Variants in RPS6KA2 observed in about 807,000 individuals in gnomAD.
RPS6KA2 encodes ribosomal protein S6 kinase alpha-2.
In RPS6KA2, 42 loss-of-function variants were observed where a neutral mutation model predicts 91.8. The observed-to-expected ratio is 0.46, with a 90% CI of 0.36 to 0.59. The LOEUF is 0.59. RPS6KA2 is among the 20% of genes least tolerant of loss of function. The probability of loss-of-function intolerance (pLI) is 0.00; values close to 1 mark genes in which losing one functional copy is unlikely to be tolerated. For synonymous variants in RPS6KA2, 414 were observed against 393.6 expected (o/e 1.05, Z -0.61); for missense variants, 798 against 978.5 (o/e 0.82, Z 2.46).
At chr6:166,619,288 C>T (rs1300765842) in intron 1 of RPS6KA2, among the ~76,000 whole-genome samples, 3 of 152,210 alleles carry the variant, frequency 2.0e-5, no homozygotes, top group Admixed American at 1.3e-4. Flanking sequence ...TCCCGCAGCC[C>T]GTCTGTTCAG....
intron 2 of RPS6KA2, among the ~76,000 whole-genome samples, chr6:166,834,877 C>G (rs1780280447): frequency 6.6e-6 from 1 of 151,454 alleles, no homozygotes; most frequent in South Asian, 2.1e-4. Flanking sequence ...CAGTTCATGC[C>G]TTTTGTGCCA....
At chr6:166,654,969 T>A (rs11289938) in intron 2 of RPS6KA2, among the ~76,000 whole-genome samples, 6,192 of 84,258 alleles carry the variant, frequency 0.073, 147 homozygotes, top group Non-Finnish European at 0.089. Context: ...TAAAAAAAAA[T>A]ATCAGGTGTC....
intron 14 of RPS6KA2, among the ~76,000 whole-genome samples, chr6:166,442,379 C>T (rs541078765): frequency 3.0e-4 from 45 of 152,326 alleles, no homozygotes; most frequent in African/African-American, 4.8e-4. Flanking sequence ...ACTGCTTGGA[C>T]GGGAACCTGC....
At chr6:166,728,488 C>T (rs1289194701) in intron 2 of RPS6KA2, among the ~76,000 whole-genome samples, 2 of 152,158 alleles carry the variant, frequency 1.3e-5, no homozygotes, top group East Asian at 3.8e-4. Context: ...CAGTTTGGGC[C>T]CCTTTACTCT....
At position 166,726,428 on chromosome 6, in the gene RPS6KA2, C is replaced by T. The variant is rs1790341668; in HGVS notation, c.123+131772G>A. On this transcript the variant is annotated intron_variant, in intron 2 of 21. Transcript: ENST00000503859. The surrounding 1 kb of genome is among the most constrained non-coding windows in gnomAD (Gnocchi z 4.4). ...CAACACTTAGCAAACTCTTAGTCAC[C>T]TCCCGAGAGCCCAGACCCTGTAGCA... 6.6e-6 allele frequency among the ~76,000 whole-genome samples: 1 copy of T among 152,204 alleles called. No individual in the cohort carries two copies. Among genetic ancestry groups the T allele is most frequent in the Admixed American group, 6.5e-5 (1 of 15,282 alleles).
intron 2 of RPS6KA2, among the ~76,000 whole-genome samples, chr6:166,784,193 A>AT (rs1381387221): frequency 0.13 from 198 of 1,498 alleles, 88 homozygotes; most frequent in Non-Finnish European, 0.8. Context: ...GTGCACACCT[A>AT]CGCATAACCA....
chr6:166,648,032 A>G lies in RPS6KA2; in HGVS notation c.124-109248T>C, dbSNP rs1485503393. Among the ~76,000 whole-genome samples, 4 of 140,270 alleles carry G rather than the reference A, an allele frequency of 2.9e-5. No individual in the cohort carries two copies. The highest frequency in any genetic ancestry group is 6.0e-5 in the Non-Finnish European group (4 of 66,756). The allele number at this position is 140,270 out of a possible 152,430, so 92.0% of individuals were successfully genotyped here. On this transcript the variant is annotated intron_variant, in intron 2 of 21. Coordinates refer to the RPS6KA2 transcript ENST00000503859. The surrounding 1 kb of genome is among the most constrained non-coding windows in gnomAD (Gnocchi z 4.8). ...CACATGCTTACACACATACATACAC[A>G]CATGCTCTCACACACATGCACATGC...
rs142130213 is a variant in RPS6KA2 at position 166,639,791 on chromosome 6, C to T, written c.124-101007G>A. ...CCAGCATTGCTCCAGGAAGCCACAC[C>T]GAGATCACTCCACCCCACAGGCCCT... On this transcript the variant is annotated intron_variant, in intron 2 of 21. Transcript: ENST00000503859. The surrounding 1 kb of genome is among the most constrained non-coding windows in gnomAD (Gnocchi z 4.2). Among the ~76,000 whole-genome samples, 301 of 152,258 alleles carry T rather than the reference C, an allele frequency of 2.0e-3. 2 individuals are homozygous for T. Among genetic ancestry groups the T allele is most frequent in the African/African-American group, 7.0e-3 (290 of 41,530 alleles).
intron 14 of RPS6KA2, among the ~76,000 whole-genome samples, chr6:166,443,074 T>TA (rs1779569960): frequency 6.6e-6 from 1 of 152,190 alleles, no homozygotes; most frequent in Non-Finnish European, 1.5e-5. Flanking sequence ...TATACTGTAT[T>TA]AAGAATAATT....
At chr6:166,510,504 T>C (rs552272812) in intron 3 of RPS6KA2, 147 bp from the exon 4 acceptor site, 16 of 400,846 alleles carry the variant, frequency 4.0e-5, no homozygotes, top group Non-Finnish European at 6.6e-5. Context: ...TGTACAATAA[T>C]CCTAGATTTA....
chr6:166,615,984 C>T (rs1014722277), intron 1 of RPS6KA2, among the ~76,000 whole-genome samples: 2 of 152,178 alleles, frequency 1.3e-5, no homozygotes, highest in Admixed American at 6.5e-5. Context: ...AATGACGACG[C>T]TTTTTAGACA....
intron 2 of RPS6KA2, among the ~76,000 whole-genome samples, chr6:166,799,169 A>T (rs1004852704): frequency 2.0e-5 from 3 of 152,266 alleles, no homozygotes; most frequent in African/African-American, 7.2e-5. Context: ...AAATGAAACT[A>T]GAGAAAATCT....
At chr6:166,543,679 T>C (rs949610675) in intron 1 of RPS6KA2, among the ~76,000 whole-genome samples, 3 of 152,216 alleles carry the variant, frequency 2.0e-5, no homozygotes, top group African/African-American at 4.8e-5. Flanking sequence ...AGTTACCCCC[T>C]TGGAACCTCG....
intron 1 of RPS6KA2, among the ~76,000 whole-genome samples, chr6:166,604,626 T>C (rs1562336273): frequency 6.6e-6 from 1 of 152,180 alleles, no homozygotes; most frequent in Non-Finnish European, 1.5e-5. Context: ...AGTCCTTCTG[T>C]CATGGGCTTG....
intron 1 of RPS6KA2, among the ~76,000 whole-genome samples, chr6:166,574,340 C>T (rs1269663143): frequency 1.3e-5 from 2 of 152,220 alleles, no homozygotes; most frequent in East Asian, 1.9e-4. Context: ...CAGCCCCCAG[C>T]GTCTGTTGTT....
At chr6:166,537,299 C>T (rs1050413501) in intron 2 of RPS6KA2, among the ~76,000 whole-genome samples, 3 of 152,254 alleles carry the variant, frequency 2.0e-5, no homozygotes, top group African/African-American at 7.2e-5. Flanking sequence ...GAAAATTATT[C>T]TCCTCTCTCT....
chr6:166,567,418 G>GA (rs1299422163), intron 1 of RPS6KA2, among the ~76,000 whole-genome samples: 1 of 152,182 alleles, frequency 6.6e-6, no homozygotes, highest in Non-Finnish European at 1.5e-5. Flanking sequence ...AAACCAGAAG[G>GA]AAAAATGAGT....
chr6:166,761,935 A>G (rs1778183512), intron 2 of RPS6KA2, among the ~76,000 whole-genome samples: 1 of 152,224 alleles, frequency 6.6e-6, no homozygotes, highest in Non-Finnish European at 1.5e-5. Flanking sequence ...GGGAGGGTAA[A>G]GCTCCAGATG....
chr6:166,415,336 G>A (rs1395243424), intron 19 of RPS6KA2, among the ~76,000 whole-genome samples: 1 of 152,206 alleles, frequency 6.6e-6, no homozygotes, highest in African/African-American at 2.4e-5. Flanking sequence ...TTATAGTCAT[G>A]ACACTGAGAG....
Sources: allele counts gnomAD v4.1 joint callset (sites outside exome capture counted in the v4.1 genomes callset), GRCh38; gene constraint gnomAD v4.1.1; non-coding constraint Gnocchi (gnomAD v3.1); transcripts MANE v1.5; gene names NCBI Gene and HGNC (gene_info 2026-07-23, HGNC 2026-07-21).